LRRTM4: variants seen among roughly 807,000 people sequenced by gnomAD.
The protein encoded by LRRTM4 is leucine rich repeat transmembrane neuronal 4, also known as leucine-rich repeat transmembrane neuronal protein 4.
LRRTM4 carries 25 observed loss-of-function variants against 47.6 expected under a neutral mutation model. The observed-to-expected ratio is 0.53, with a 90% confidence interval of 0.38 to 0.73. LRRTM4 has a LOEUF of 0.73. Among genes scored for constraint, LRRTM4 ranks in the 30% least tolerant of loss-of-function variants. LRRTM4 has a pLI of 0.00. For missense variants in LRRTM4, 638 were observed against 713.4 expected (o/e 0.89, Z 1.20); for synonymous variants, 311 against 269.5 (o/e 1.15, Z -1.51).
intron 3 of LRRTM4, among the ~76,000 whole-genome samples, chr2:77,086,609 T>C (rs956415886): frequency 5.9e-5 from 9 of 151,854 alleles, no homozygotes; most frequent in African/African-American, 2.2e-4. Context: ...CCTGAGTAGC[T>C]AGGATTACAG....
chr2:76,796,994 G>A (rs140111736), intron 3 of LRRTM4, among the ~76,000 whole-genome samples: 1 of 152,242 alleles, frequency 6.6e-6, no homozygotes, highest in East Asian at 1.9e-4. Context: ...TCTGATTGGA[G>A]TACCTGAAAG....
At chr2:76,892,252 G>T (rs77414673) in intron 3 of LRRTM4, among the ~76,000 whole-genome samples, 3 of 151,510 alleles carry the variant, frequency 2.0e-5, no homozygotes. Context: ...CACATGTCTC[G>T]TTGGTCAATT....
intron 3 of LRRTM4, among the ~76,000 whole-genome samples, chr2:76,821,398 A>C (rs1573167831): frequency 6.6e-6 from 1 of 151,702 alleles, no homozygotes; most frequent in African/African-American, 2.4e-5. Context: ...TATTATGTAC[A>C]CTTGAGGACA....
At chr2:77,356,912 AAG>A (rs1266827923) in intron 3 of LRRTM4, among the ~76,000 whole-genome samples, 1 of 152,140 alleles carries the variant, frequency 6.6e-6, no homozygotes, top group Non-Finnish European at 1.5e-5. Flanking sequence ...ATTTTTTTGA[AAG>A]AGTATAATGT....
At chr2:77,084,201 T>C (rs1680632774) in intron 3 of LRRTM4, among the ~76,000 whole-genome samples, 1 of 152,160 alleles carries the variant, frequency 6.6e-6, no homozygotes, top group Non-Finnish European at 1.5e-5. Context: ...TCAATGAACA[T>C]TACTTCAAAG....
chr2:77,339,326 G>A (rs1671283297), intron 3 of LRRTM4, among the ~76,000 whole-genome samples: 1 of 151,940 alleles, frequency 6.6e-6, no homozygotes, highest in African/African-American at 2.4e-5. Flanking sequence ...TTTTTCAAAT[G>A]ACTTTCTAAA....
chr2:77,200,220 C>A (rs1392833311), intron 3 of LRRTM4, among the ~76,000 whole-genome samples: 1 of 151,954 alleles, frequency 6.6e-6, no homozygotes, highest in African/African-American at 2.4e-5. Context: ...GATTTGAGAT[C>A]TAAGGAAACA....
intron 3 of LRRTM4, among the ~76,000 whole-genome samples, chr2:76,844,534 A>C (rs1671783159): frequency 6.6e-6 from 1 of 152,198 alleles, no homozygotes; most frequent in Non-Finnish European, 1.5e-5. Context: ...TATCTGTATC[A>C]GCAAAAGTTA....
chr2:77,401,841 T>C (rs1673971814), intron 3 of LRRTM4, among the ~76,000 whole-genome samples: 1 of 152,118 alleles, frequency 6.6e-6, no homozygotes, highest in Admixed American at 6.6e-5. Context: ...CGATTAGATG[T>C]AGAATTCAAG....
chr2:76,984,393 G>C (rs1676722270), intron 3 of LRRTM4, among the ~76,000 whole-genome samples: 1 of 151,928 alleles, frequency 6.6e-6, no homozygotes, highest in South Asian at 2.1e-4. Context: ...TTATGTCAAA[G>C]AGAATGAACA....
At chr2:77,514,139 A>G (rs1487023783) in intron 3 of LRRTM4, among the ~76,000 whole-genome samples, 1 of 151,986 alleles carries the variant, frequency 6.6e-6, no homozygotes, top group African/African-American at 2.4e-5. Context: ...ATTTAAATAT[A>G]CAAATACAGT....
At chr2:77,219,331 C>T (rs1308102111) in intron 3 of LRRTM4, among the ~76,000 whole-genome samples, 2 of 152,096 alleles carry the variant, frequency 1.3e-5, no homozygotes, top group Non-Finnish European at 2.9e-5. Flanking sequence ...TTGTACTGAT[C>T]ATCATCTGAA....
chr2:76,942,552 T>C lies in LRRTM4; in HGVS notation c.1552-193636A>G, dbSNP rs374195196. ...AGTTTCAGCCAGATAAAATAGAAAA[T>C]GTATGAATTTTTATTACAAAAATGA... On this transcript the variant is annotated intron_variant, in intron 3 of 3. Transcript: ENST00000409884. Among the ~76,000 whole-genome samples the C allele has an allele frequency of 1.7e-4, 25 of 149,250 alleles. No individual in the cohort carries two copies. The East Asian group carries it at 4.7e-3, about 28-fold the overall frequency.
chr2:77,285,340 TTA>T lies in LRRTM4; in HGVS notation c.1551+232976_1551+232977del, dbSNP rs10527679. Reference sequence around the variant, plus strand: ...AAATTAATTCTACTCAGCATTAAATTTATATATATATATATATATATATGGCC... The same window carrying T: ...AAATTAATTCTACTCAGCATTAAATTTATATATATATATATATATATGGCC... On this transcript the variant is annotated intron_variant, in intron 3 of 3. Transcript: ENST00000409884. 8.1e-3 allele frequency among the ~76,000 whole-genome samples: 666 copies of T among 82,596 alleles called. 33 individuals are homozygous for T. The highest frequency in any genetic ancestry group is 0.012 in the Non-Finnish European group (515 of 42,450). The allele number at this position is 82,596 out of a possible 152,430, so 54.2% of individuals were successfully genotyped here.
At chr2:77,072,911 G>A (rs1042610683) in intron 3 of LRRTM4, among the ~76,000 whole-genome samples, 1 of 151,608 alleles carries the variant, frequency 6.6e-6, no homozygotes, top group South Asian at 2.1e-4. Flanking sequence ...AGAAGACTTT[G>A]GAAGATGATG....
intron 3 of LRRTM4, among the ~76,000 whole-genome samples, chr2:77,297,076 G>T (rs1002731391): frequency 6.6e-6 from 1 of 152,010 alleles, no homozygotes; most frequent in Non-Finnish European, 1.5e-5. Flanking sequence ...TTGTTTTCTT[G>T]TCTGTTTCTT....
At chr2:76,886,838 A>T (rs1673093569) in intron 3 of LRRTM4, among the ~76,000 whole-genome samples, 1 of 152,002 alleles carries the variant, frequency 6.6e-6, no homozygotes, top group Non-Finnish European at 1.5e-5. Context: ...AATGAAATAA[A>T]TGAAAAGCTC....
chr2:76,952,104 T>C (rs1441158033), intron 3 of LRRTM4, among the ~76,000 whole-genome samples: 1 of 152,044 alleles, frequency 6.6e-6, no homozygotes, highest in Non-Finnish European at 1.5e-5. Context: ...TGCATGTGTC[T>C]TTGTAGTAGA....
chr2:76,824,588 G>A (rs954659631), intron 3 of LRRTM4, among the ~76,000 whole-genome samples: 5 of 151,522 alleles, frequency 3.3e-5, no homozygotes, highest in Non-Finnish European at 7.4e-5. Context: ...TGTCCTAGAG[G>A]AAGAGAGAAT....
Sources: gnomAD v4.1 joint callset for allele counts (sites outside exome capture counted in the v4.1 genomes callset) on GRCh38, gnomAD v4.1.1 for gene constraint, MANE v1.5 for transcripts, NCBI Gene and HGNC (gene_info 2026-07-23, HGNC 2026-07-21) for gene names.